The following COP1 variants were observed in gnomAD, a reference collection of about 807,000 sequenced individuals.
COP1 encodes the protein E3 ubiquitin-protein ligase COP1.
A neutral mutation model predicts 101.3 loss-of-function variants in COP1; 24 were observed. That is an observed-to-expected ratio of 0.24 (90% confidence interval 0.17 to 0.33). The LOEUF (loss-of-function observed/expected upper bound fraction) is 0.33. Ranked by LOEUF, COP1 falls within the 10% of genes least tolerant of loss-of-function variation. COP1 has a pLI of 1.00. For missense variants in COP1, 663 were observed against 906.2 expected, an observed-to-expected ratio of 0.73 and a Z score of 3.45; for synonymous variants, 347 against 341.9, an observed-to-expected ratio of 1.01 and a Z score of -0.17.
intron 9 of COP1, among the ~76,000 whole-genome samples, chr1:176,106,201 T>C (rs1684274569): frequency 6.6e-6 from 1 of 152,084 alleles, no homozygotes; most frequent in African/African-American, 2.4e-5. Flanking sequence ...CTGCTAATTT[T>C]TGTATTTTTT....
chr1:176,010,186 C>T (rs1446180740), intron 15 of COP1, among the ~76,000 whole-genome samples: 1 of 152,152 alleles, frequency 6.6e-6, no homozygotes, highest in Non-Finnish European at 1.5e-5. Flanking sequence ...CTCTCTGCCC[C>T]CTGTACCGCT....
intron 18 of COP1, among the ~76,000 whole-genome samples, chr1:175,966,605 C>T (rs16849458): frequency 0.017 from 2,589 of 152,160 alleles, 72 homozygotes; most frequent in African/African-American, 0.059. Flanking sequence ...TATCACATGT[C>T]TGGGCTTCAT....
chr1:176,009,953 T>C (rs1664336901), intron 15 of COP1, among the ~76,000 whole-genome samples: 1 of 150,312 alleles, frequency 6.7e-6, no homozygotes, highest in Admixed American at 6.7e-5. Flanking sequence ...AGCATTGCCA[T>C]AACTGAAAAA....
At chr1:176,066,831 C>T (rs769101064) in intron 11 of COP1, among the ~76,000 whole-genome samples, 2 of 152,152 alleles carry the variant, frequency 1.3e-5, no homozygotes, top group South Asian at 2.1e-4. Flanking sequence ...TAGAGTTTCT[C>T]TATTAATGTT....
chr1:176,067,462 G>T (rs1175576430), intron 11 of COP1, among the ~76,000 whole-genome samples: 1 of 152,152 alleles, frequency 6.6e-6, no homozygotes, highest in Non-Finnish European at 1.5e-5. Context: ...CGGTACAAGA[G>T]CACACTGACA....
chr1:176,028,986 T>C (rs1434896040), intron 14 of COP1, among the ~76,000 whole-genome samples: 1 of 151,644 alleles, frequency 6.6e-6, no homozygotes, highest in Admixed American at 6.6e-5. Context: ...ACTCCTGGGC[T>C]CAAGCAATCT....
intron 2 of COP1, among the ~76,000 whole-genome samples, chr1:176,177,580 A>G (rs1031430981): frequency 6.6e-6 from 1 of 152,100 alleles, no homozygotes; most frequent in African/African-American, 2.4e-5. Context: ...TCAGGTTTCT[A>G]TAATAGTAAG....
At chr1:176,112,941 A>G (rs925162324) in intron 9 of COP1, among the ~76,000 whole-genome samples, 1 of 152,216 alleles carries the variant, frequency 6.6e-6, no homozygotes, top group African/African-American at 2.4e-5. Flanking sequence ...TATATACACC[A>G]CATTTTCTTT....
Position 176,139,706 on chromosome 1 carries a change from G to A in COP1, c.832-3159C>T, listed in dbSNP as rs529074591. On this transcript the variant is annotated intron_variant, in intron 6 of 19. Coordinates refer to ENST00000367669, the MANE Select transcript of COP1 (RefSeq NM_022457.7). The stretch of plus-strand genomic sequence containing the variant: ...CCATCATCCTAAGTGAATTAATGAA[G>A]TAAGAGAAAACCAAATACCACATGT... Among the ~76,000 whole-genome samples the A allele has an allele frequency of 2.6e-5, 4 of 152,228 alleles. No individual in the cohort carries two copies. In the East Asian group the frequency reaches 7.7e-4, roughly 29 times the overall value.
At chr1:176,018,358 T>C (rs528395469) in intron 15 of COP1, 2 of 152,342 alleles carry the variant, frequency 1.3e-5, no homozygotes, top group African/African-American at 2.4e-5. Context: ...TTATATTATG[T>C]ACATTTTCCC....
chr1:176,147,685 G>C (rs1691773858), intron 6 of COP1, among the ~76,000 whole-genome samples: 1 of 152,146 alleles, frequency 6.6e-6, no homozygotes, highest in Non-Finnish European at 1.5e-5. Flanking sequence ...TTTAATAACG[G>C]AAATATAAAA....
intron 11 of COP1, among the ~76,000 whole-genome samples, chr1:176,050,588 G>T (rs1025653453): frequency 4.6e-5 from 7 of 152,032 alleles, no homozygotes; most frequent in African/African-American, 1.7e-4. Context: ...CAAAATATAC[G>T]TTTAGAAACT....
chr1:175,972,841 T>C (rs766648092), intron 18 of COP1, among the ~76,000 whole-genome samples: 4 of 152,196 alleles, frequency 2.6e-5, no homozygotes, highest in Admixed American at 6.5e-5. Flanking sequence ...CTTATTTATT[T>C]AATTTTTTGA....
At chr1:175,986,677 G>A (rs926250541) in intron 18 of COP1, among the ~76,000 whole-genome samples, 16 of 152,144 alleles carry the variant, frequency 1.1e-4, no homozygotes, top group Non-Finnish European at 2.1e-4. Flanking sequence ...GAAGAGATAT[G>A]AACAGACAAT....
intron 11 of COP1, among the ~76,000 whole-genome samples, chr1:176,065,429 T>C (rs1402289915): frequency 6.6e-6 from 1 of 152,208 alleles, no homozygotes; most frequent in African/African-American, 2.4e-5. Context: ...AAGCTCTCTT[T>C]GTCAAATATT....
intron 1 of COP1, among the ~76,000 whole-genome samples, chr1:176,193,105 TTAA>T (rs1699291318): frequency 6.6e-6 from 1 of 152,112 alleles, no homozygotes; most frequent in African/African-American, 2.4e-5. Flanking sequence ...CTGAAACAAG[TTAA>T]TTATTAAAAA....
chr1:176,005,696 A>G (rs985335158), intron 15 of COP1, among the ~76,000 whole-genome samples: 1 of 152,080 alleles, frequency 6.6e-6, no homozygotes, highest in Non-Finnish European at 1.5e-5. Context: ...TTCTAGTTTG[A>G]TTGCACTGTG....
At chr1:176,034,410 T>C (rs1354253438) in intron 14 of COP1, among the ~76,000 whole-genome samples, 1 of 152,152 alleles carries the variant, frequency 6.6e-6, no homozygotes, top group East Asian at 1.9e-4. Flanking sequence ...ACTCTGTGTA[T>C]ATAAAAAGGA....
At chr1:176,038,569 CA>C (rs1669965816) in intron 14 of COP1, among the ~76,000 whole-genome samples, 1 of 152,152 alleles carries the variant, frequency 6.6e-6, no homozygotes, top group Admixed American at 6.5e-5. Flanking sequence ...CCTGTAATCC[CA>C]GCACTTTGGG....
Sources: allele counts gnomAD v4.1 joint callset (sites outside exome capture counted in the v4.1 genomes callset), GRCh38; gene constraint gnomAD v4.1.1; transcripts MANE v1.5; gene names NCBI Gene and HGNC (gene_info 2026-07-23, HGNC 2026-07-21).